The following TSHZ2 variants were observed in gnomAD, a reference collection of about 807,000 sequenced individuals.
TSHZ2 encodes teashirt zinc finger homeobox 2.
Under a neutral mutation model 74.4 loss-of-function variants are expected in TSHZ2, and 21 were observed. That is an observed-to-expected ratio of 0.28 (90% CI 0.20 to 0.41). The LOEUF is 0.41. TSHZ2 is among the 10% of genes least tolerant of loss of function. TSHZ2 has a pLI of 1.00. For synonymous variants in TSHZ2, 540 were observed against 515.3 expected (o/e 1.05, Z -0.65); for missense variants, 1,244 against 1,293.5 (o/e 0.96, Z 0.59).
chr20:53,182,591 G>A (rs1055161797), intron 1 of TSHZ2, among the ~76,000 whole-genome samples: 1 of 152,160 alleles, frequency 6.6e-6, no homozygotes, highest in Non-Finnish European at 1.5e-5. Context: ...TTTAACACCT[G>A]CTAATGATTA....
intron 2 of TSHZ2, among the ~76,000 whole-genome samples, chr20:53,367,334 G>T (rs1981299983): frequency 6.6e-6 from 1 of 151,818 alleles, no homozygotes. Flanking sequence ...AACCTGGGAG[G>T]CGGAGGCTGC....
intron 2 of TSHZ2, among the ~76,000 whole-genome samples, chr20:53,466,064 T>C (rs1276305091): frequency 2.0e-5 from 3 of 151,088 alleles, no homozygotes; most frequent in Admixed American, 6.6e-5. Context: ...CTGGCCAAGA[T>C]GGTGAAACCC....
intron 1 of TSHZ2, 86 bp downstream of exon 1, chr20:52,973,419 A>G (rs1981205751): frequency 2.0e-6 from 3 of 1,503,834 alleles, no homozygotes; most frequent in Non-Finnish European, 2.7e-6. Flanking sequence ...CGGGGGCACC[A>G]CCCACTTAAG....
chr20:53,467,936 G>T (rs1386694701), intron 2 of TSHZ2, among the ~76,000 whole-genome samples: 2 of 152,096 alleles, frequency 1.3e-5, no homozygotes, highest in Non-Finnish European at 2.9e-5. Context: ...ATAGTCAAAT[G>T]CAACAGAGAC....
At chr20:53,410,608 T>TATTATTATTATC (rs1983020826) in intron 2 of TSHZ2, among the ~76,000 whole-genome samples, 1 of 148,056 alleles carries the variant, frequency 6.8e-6, no homozygotes, top group African/African-American at 2.5e-5. Context: ...TTATTATTAT[T>TATTATTATTATC]ATTATTATTA....
Position 53,076,497 on chromosome 20 carries a change from G to A in TSHZ2, c.40+103164G>A, listed in dbSNP as rs549220989. Among the ~76,000 whole-genome samples the A allele has an allele frequency of 2.6e-5, 4 of 152,280 alleles. No individual in the cohort carries two copies. The East Asian group carries it at 5.8e-4, about 22-fold the overall frequency. ...TGGGGAAACCAGTATCAGACTGCAC[G>A]TTTCAGTTGTGCTTAATACTATGAA... On this transcript the variant is annotated intron_variant, in intron 1 of 2. Coordinates refer to ENST00000371497, the MANE Select transcript of TSHZ2 (RefSeq NM_173485.6).
chr20:52,978,398 AC>A (rs1981427853), intron 1 of TSHZ2, among the ~76,000 whole-genome samples: 1 of 152,142 alleles, frequency 6.6e-6, no homozygotes, highest in South Asian at 2.1e-4. Context: ...TCCAAAGTCG[AC>A]CTTCCCTTCC....
chr20:53,185,626 A>G, intron 1 of TSHZ2: 1 of 1,535,662 alleles, frequency 6.5e-7, no homozygotes, highest in Non-Finnish European at 8.7e-7. Flanking sequence ...TCTCAAAAAA[A>G]GAAAAAAAAG....
chr20:53,324,781 A>G (rs183834258), intron 2 of TSHZ2, among the ~76,000 whole-genome samples: 2 of 152,332 alleles, frequency 1.3e-5, no homozygotes, highest in South Asian at 2.1e-4. Context: ...ATTTTGATGC[A>G]TTACAAAATG....
At chr20:53,438,917 G>A (rs542885956) in intron 2 of TSHZ2, among the ~76,000 whole-genome samples, 15 of 152,166 alleles carry the variant, frequency 9.9e-5, no homozygotes, top group Admixed American at 2.6e-4. Flanking sequence ...CTGAGATCGC[G>A]CCATTGCACT....
Position 53,488,676 on chromosome 20 carries a change from A to G in TSHZ2, c.*1541A>G, listed in dbSNP as rs1986360807. ...ACTAGGTGATTCTGAAACAAAAGGA[A>G]TATTTTCTGTTGTTGCTTTAATTAC... On this transcript the variant is annotated 3_prime_UTR_variant, in exon 3 of 3. Coordinates refer to ENST00000371497, the MANE Select transcript of TSHZ2 (RefSeq NM_173485.6). 5 of 274,566 alleles carry G rather than the reference A, an allele frequency of 1.8e-5. No individual in the cohort carries two copies. In the South Asian group the frequency reaches 1.9e-4, roughly 11 times the overall value. 17.0% of individuals were successfully genotyped at this position (274,566 alleles called of 1,614,324 possible). A position where few individuals can be genotyped will look rare whatever the true frequency, so the allele number is the denominator to read the frequency against.
Position 52,987,354 on chromosome 20 carries a change from G to A in TSHZ2, c.40+14021G>A, listed in dbSNP as rs1981806821. On this transcript the variant is annotated intron_variant, in intron 1 of 2. Transcript: ENST00000371497. Reference sequence around the variant, plus strand: ...AGGGGAATGAGGCCCATGAATCTGGGAATCTGTACATTAGATATCCATTAA... The same window carrying A: ...AGGGGAATGAGGCCCATGAATCTGGAAATCTGTACATTAGATATCCATTAA... 2.6e-5 allele frequency among the ~76,000 whole-genome samples: 4 copies of A among 152,132 alleles called. 1 individual carries two copies. The South Asian group carries it at 8.3e-4, about 32-fold the overall frequency.
intron 2 of TSHZ2, among the ~76,000 whole-genome samples, chr20:53,269,731 G>A (rs1990793604): frequency 6.6e-6 from 1 of 151,826 alleles, no homozygotes; most frequent in Non-Finnish European, 1.5e-5. Context: ...GCACCAGCAT[G>A]GCACATGTAT....
chr20:53,466,017 G>A (rs1246995874), intron 2 of TSHZ2, among the ~76,000 whole-genome samples: 1 of 150,542 alleles, frequency 6.6e-6, no homozygotes, highest in Admixed American at 6.6e-5. Flanking sequence ...GGGGCCCAAG[G>A]CAGGTGAATC....
At chr20:53,360,429 G>A (rs973084648) in intron 2 of TSHZ2, among the ~76,000 whole-genome samples, 12 of 152,142 alleles carry the variant, frequency 7.9e-5, no homozygotes, top group East Asian at 3.9e-4. Flanking sequence ...TAAATATTTC[G>A]AGCTTCTACT....
At chr20:52,986,130 G>A (rs1981744652) in intron 1 of TSHZ2, among the ~76,000 whole-genome samples, 2 of 152,194 alleles carry the variant, frequency 1.3e-5, no homozygotes, top group African/African-American at 2.4e-5. Context: ...AGTGGCTCAC[G>A]CCTGTAATCC....
chr20:53,481,363 G>A lies in TSHZ2; in HGVS notation c.*9-5781G>A, dbSNP rs6068559. Among the ~76,000 whole-genome samples the A allele has an allele frequency of 4.6e-5, 7 of 152,202 alleles. No homozygotes were observed. The East Asian group carries it at 1.3e-3, about 29-fold the overall frequency. ...AAGGCAATAGGATTGCTTGAGTTCA[G>A]GAGTTCAAGACTAGCCTGGGCAACG... On this transcript the variant is annotated intron_variant, in intron 2 of 2. Transcript: ENST00000371497.
chr20:53,241,840 T>C (rs1361727965), intron 1 of TSHZ2, among the ~76,000 whole-genome samples: 4 of 152,154 alleles, frequency 2.6e-5, no homozygotes. Flanking sequence ...ATGCAGGACA[T>C]GGCAGAGATG....
chr20:53,445,368 G>A (rs1376626213), intron 2 of TSHZ2, among the ~76,000 whole-genome samples: 1 of 152,164 alleles, frequency 6.6e-6, no homozygotes, highest in African/African-American at 2.4e-5. Context: ...AGCAATCCAC[G>A]TTGCTTCTTT....
Sources: allele counts gnomAD v4.1 joint callset (sites outside exome capture counted in the v4.1 genomes callset), GRCh38; gene constraint gnomAD v4.1.1; transcripts MANE v1.5; gene names NCBI Gene and HGNC (gene_info 2026-07-23, HGNC 2026-07-21).